FARS2: variants seen among roughly 807,000 people sequenced by gnomAD.
The protein encoded by FARS2 is phenylalanine--tRNA ligase, mitochondrial.
FARS2 carries 40 observed loss-of-function variants against 46.4 expected under a neutral mutation model. The ratio of observed to expected loss-of-function variants is 0.86; its 90% CI spans 0.67 to 1.12. FARS2 has a LOEUF of 1.12. Among genes scored for constraint, FARS2 ranks in the 50% most tolerant of loss-of-function variants. The pLI is 0.00. For synonymous variants in FARS2, 234 were observed against 214.9 expected, an observed-to-expected ratio of 1.09 and a Z score of -0.78; for missense variants, 513 against 567.9, an observed-to-expected ratio of 0.90 and a Z score of 0.98.
intron 5 of FARS2, among the ~76,000 whole-genome samples, chr6:5,562,860 A>G (rs1436742464): frequency 6.7e-6 from 1 of 148,478 alleles, no homozygotes; most frequent in Non-Finnish European, 1.5e-5. Context: ...CCGGAGTGCA[A>G]TGGCGCGATC....
chr6:5,252,992 G>A, the FARS2 span, among the ~76,000 whole-genome samples: 2 of 152,176 alleles, frequency 1.3e-5, no homozygotes, highest in Non-Finnish European at 2.9e-5. Context: ...CTAATTTTAA[G>A]GTGGCACTTA....
intron 3 of FARS2, among the ~76,000 whole-genome samples, chr6:5,408,099 T>A (rs960422095): frequency 2.0e-5 from 3 of 152,200 alleles, no homozygotes; most frequent in African/African-American, 7.2e-5. Flanking sequence ...AGAAGCTGGA[T>A]TTGCACCCTG....
chr6:5,648,453 C>A (rs1421270929), intron 6 of FARS2, among the ~76,000 whole-genome samples: 1 of 152,198 alleles, frequency 6.6e-6, no homozygotes, highest in African/African-American at 2.4e-5. Flanking sequence ...GGGTTCTCTG[C>A]ATCCTGAGTG....
At chr6:5,567,954 C>T (rs1772416737) in intron 5 of FARS2, among the ~76,000 whole-genome samples, 1 of 152,222 alleles carries the variant, frequency 6.6e-6, no homozygotes, top group Non-Finnish European at 1.5e-5. Context: ...TTCCTATCTC[C>T]TCTTCTGTGT....
At chr6:5,610,373 C>G (rs1775109568) in intron 5 of FARS2, among the ~76,000 whole-genome samples, 1 of 151,050 alleles carries the variant, frequency 6.6e-6, no homozygotes, top group Non-Finnish European at 1.5e-5. Flanking sequence ...GCAGTCAGCT[C>G]TCTGTATATA....
intron 1 of FARS2, among the ~76,000 whole-genome samples, chr6:5,294,197 A>G (rs1045494784): frequency 6.6e-6 from 1 of 152,186 alleles, no homozygotes; most frequent in African/African-American, 2.4e-5. Context: ...GGTCTTCTTG[A>G]TGATTTAATT....
At chr6:5,656,285 C>A (rs1405162410) in intron 6 of FARS2, among the ~76,000 whole-genome samples, 1 of 152,236 alleles carries the variant, frequency 6.6e-6, no homozygotes, top group Non-Finnish European at 1.5e-5. Flanking sequence ...CCTCCTCTCA[C>A]ACACATCAGC....
chr6:5,697,448 T>C (rs1212226886), intron 6 of FARS2, among the ~76,000 whole-genome samples: 1 of 152,204 alleles, frequency 6.6e-6, no homozygotes, highest in Non-Finnish European at 1.5e-5. Context: ...ACTTTGGAGA[T>C]GAAAGACTTC....
intron 6 of FARS2, chr6:5,695,234 T>G (rs1758027750): frequency 6.6e-6 from 1 of 152,256 alleles, no homozygotes; most frequent in Admixed American, 6.5e-5. Flanking sequence ...AAACATCTCT[T>G]AGATCCCAGA....
At chr6:5,382,754 G>A (rs1581941332) in intron 2 of FARS2, among the ~76,000 whole-genome samples, 1 of 152,066 alleles carries the variant, frequency 6.6e-6, no homozygotes, top group Admixed American at 6.5e-5. Context: ...CAGAGCAACC[G>A]AACCAATAGG....
intron 6 of FARS2, among the ~76,000 whole-genome samples, chr6:5,654,052 A>G (rs1561779609): frequency 6.6e-6 from 1 of 152,190 alleles, no homozygotes. Flanking sequence ...CAGCATCAGG[A>G]CATCACTAGT....
chr6:5,474,938 A>G (rs545974601), intron 4 of FARS2, among the ~76,000 whole-genome samples: 1 of 152,274 alleles, frequency 6.6e-6, no homozygotes, highest in Non-Finnish European at 1.5e-5. Flanking sequence ...GATTACAGGC[A>G]TGAGCCACCA....
chr6:5,538,934 G>C (rs1460931891), intron 4 of FARS2, among the ~76,000 whole-genome samples: 3 of 152,144 alleles, frequency 2.0e-5, no homozygotes, highest in African/African-American at 7.2e-5. Context: ...AAGTCCAGTT[G>C]CTCTCTGTTC....
intron 5 of FARS2, among the ~76,000 whole-genome samples, chr6:5,558,112 C>A (rs1261941344): frequency 6.6e-6 from 1 of 152,078 alleles, no homozygotes; most frequent in Non-Finnish European, 1.5e-5. Context: ...AAGTAATTTA[C>A]TGAGTAAGAA....
rs1049022333 is a variant in FARS2 at position 5,632,550 on chromosome 6, T to C, written c.1217+19230T>C. Among the ~76,000 whole-genome samples the C allele has an allele frequency of 3.3e-5, 5 of 151,366 alleles. 1 individual carries two copies. The South Asian group carries it at 1.0e-3, about 32-fold the overall frequency. On this transcript the variant is annotated intron_variant, in intron 6 of 6. Transcript: ENST00000274680. Reference sequence around the variant, plus strand: ...ACCCATTTAGCCCACCCACTCTTCCTTCCTTCCCTTCTTCCTTTCCCTTCC... The same window carrying C: ...ACCCATTTAGCCCACCCACTCTTCCCTCCTTCCCTTCTTCCTTTCCCTTCC...
upstream of FARS2, among the ~76,000 whole-genome samples, chr6:5,259,089 A>G (rs944205479): frequency 6.6e-6 from 1 of 152,156 alleles, no homozygotes; most frequent in Non-Finnish European, 1.5e-5. Flanking sequence ...TGTCCAAGTT[A>G]GTCTTCGAGG....
intron 6 of FARS2, among the ~76,000 whole-genome samples, chr6:5,664,436 G>A (rs537224748): frequency 9.9e-5 from 15 of 152,104 alleles, no homozygotes; most frequent in Admixed American, 1.3e-4. Flanking sequence ...TGGATCCCTC[G>A]CCCAGAGTCT....
intron 6 of FARS2, among the ~76,000 whole-genome samples, chr6:5,650,432 C>G (rs1239617541): frequency 6.6e-6 from 1 of 152,028 alleles, no homozygotes; most frequent in Non-Finnish European, 1.5e-5. Context: ...AGGAGATTTA[C>G]CAAGCACCAT....
chr6:5,746,315 G>A (rs920806873), intron 6 of FARS2, among the ~76,000 whole-genome samples: 1 of 152,152 alleles, frequency 6.6e-6, no homozygotes, highest in East Asian at 1.9e-4. Context: ...TAAAGAGCGT[G>A]TGTCTGTGTG....
Sources: allele counts gnomAD v4.1 joint callset (sites outside exome capture counted in the v4.1 genomes callset), GRCh38; gene constraint gnomAD v4.1.1; transcripts MANE v1.5; gene names NCBI Gene and HGNC (gene_info 2026-07-23, HGNC 2026-07-21).